Variants in NCOR2 observed in about 807,000 individuals in gnomAD.
NCOR2 encodes the protein nuclear receptor corepressor 2.
Under a neutral mutation model 262.9 loss-of-function variants are expected in NCOR2, and 81 were observed. That is an observed-to-expected ratio of 0.31 (90% CI 0.26 to 0.37). The LOEUF is 0.37. Ranked by LOEUF, NCOR2 falls within the 10% of genes least tolerant of loss-of-function variation. The pLI, the probability that NCOR2 is intolerant of heterozygous loss-of-function variation, is 1.00. For missense variants in NCOR2, 3,385 were observed against 3,621.4 expected, an observed-to-expected ratio of 0.93 and a Z score of 1.68; for synonymous variants, 1,659 against 1,559.3, an observed-to-expected ratio of 1.06 and a Z score of -1.51.
chr12:124,355,375 C>A (rs1337838895), intron 24 of NCOR2, 57 bp downstream of exon 26: 2 of 1,584,992 alleles, frequency 1.3e-6, no homozygotes, highest in African/African-American at 1.3e-5. Flanking sequence ...GGTCCCATTG[C>A]CCCCACTTTA....
At chr12:124,501,062 G>GCGCGCA (rs1555232719) in intron 1 of NCOR2, among the ~76,000 whole-genome samples, 4 of 147,920 alleles carry the variant, frequency 2.7e-5, no homozygotes, top group East Asian at 2.1e-4. Context: ...GCGCACGCGC[G>GCGCGCA]CACACACACA....
intron 13 of NCOR2, among the ~76,000 whole-genome samples, chr12:124,414,791 G>C (rs1170988548): frequency 2.6e-5 from 4 of 152,204 alleles, no homozygotes; most frequent in African/African-American, 9.6e-5. Context: ...GTGGTGCCTG[G>C]GGAGGGGGCC....
rs957369227 is a variant in NCOR2 at position 124,481,494 on chromosome 12, G to T, written c.411+2102C>A. 2.0e-5 allele frequency among the ~76,000 whole-genome samples: 3 copies of T among 152,208 alleles called. No homozygotes were observed. Among genetic ancestry groups the T allele is most frequent in the African/African-American group, 7.2e-5 (3 of 41,466 alleles). ...GGTCTCCCCTGCCATGCAGGCCCTG[G>T]AGGGCAGCCAGGGCTGGAAGGAGCG... On this transcript the variant is annotated intron_variant, in intron 3 of 46. Coordinates refer to ENST00000405201, the Ensembl canonical transcript of NCOR2. The surrounding 1 kb of genome is among the most constrained non-coding windows in gnomAD (Gnocchi z 4.6).
intron 1 of NCOR2, among the ~76,000 whole-genome samples, chr12:124,562,706 G>A (rs2137298967): frequency 6.6e-6 from 1 of 152,316 alleles, no homozygotes; most frequent in Non-Finnish European, 1.5e-5. Context: ...GTCTCCAAAG[G>A]GCAACAAGCC....
At chr12:124,455,200 C>A (rs143190248) in intron 6 of NCOR2, among the ~76,000 whole-genome samples, 1 of 152,238 alleles carries the variant, frequency 6.6e-6, no homozygotes, top group Admixed American at 6.5e-5. Context: ...CTAAAACCCA[C>A]TGAACTGGAC....
intron 38 of NCOR2, chr12:124,335,939 G>A (rs2035844437): frequency 1.0e-5 from 4 of 390,344 alleles, no homozygotes; most frequent in South Asian, 4.7e-5. Flanking sequence ...CGAGGCCAGC[G>A]TGAGATGGGG....
At chr12:124,393,261 C>T (rs1023920212) in intron 16 of NCOR2, among the ~76,000 whole-genome samples, 6 of 152,168 alleles carry the variant, frequency 3.9e-5, no homozygotes, top group African/African-American at 1.4e-4. Flanking sequence ...GCGCTGGGCC[C>T]GAGGGCAGGC....
rs1352668954 is a variant in NCOR2 at position 124,483,882 on chromosome 12, T to C, written c.234-109A>G. On this transcript the variant is annotated intron_variant, in intron 2 of 46. Coordinates refer to ENST00000405201, the Ensembl canonical transcript of NCOR2. The surrounding 1 kb of genome is among the most constrained non-coding windows in gnomAD (Gnocchi z 6.3). ...CATCTACTGCGCGCCGTGCTCTGTA[T>C]GATCCTGCCAGGAAGGTGCTCACAG... The C allele has an allele frequency of 2.3e-6, 3 of 1,297,908 alleles. No individual in the cohort carries two copies. The highest frequency in any genetic ancestry group is 2.0e-6 in the Non-Finnish European group (2 of 986,126). 80.4% of individuals were successfully genotyped at this position (1,297,908 alleles called of 1,614,324 possible). A position where few individuals can be genotyped will look rare whatever the true frequency, so the allele number is the denominator to read the frequency against.
At chr12:124,325,392 C>CCCCCCACAAAT in exon 47 of NCOR2, 1 of 1,152,270 alleles carries the variant, frequency 8.7e-7, no homozygotes. Context: ...CCCCCCCGCC[C>CCCCCCACAAAT]TGTTCTGAGT....
chr12:124,523,049 A>G lies in NCOR2; in HGVS notation c.-118+12516T>C, dbSNP rs2050272627. On this transcript the variant is annotated intron_variant, in intron 1 of 46. Coordinates refer to the NCOR2 transcript ENST00000404621. The surrounding 1 kb of genome is among the most constrained non-coding windows in gnomAD (Gnocchi z 4.0). ...AAATAAAGACACTCCCCAGACCAAA[A>G]TGCATCCTATTTCCCCATCCAGGCC... Among the ~76,000 whole-genome samples the G allele has an allele frequency of 6.6e-6, 1 of 152,234 alleles. No individual in the cohort carries two copies. The highest frequency in any genetic ancestry group is 1.5e-5 in the Non-Finnish European group (1 of 68,010).
chr12:124,336,928 G>GT lies in NCOR2; in HGVS notation c.5939_5940insA (p.Leu1981ProfsTer46). 1 of 1,577,348 alleles carries GT rather than the reference G, an allele frequency of 6.3e-7. No individual in the cohort carries two copies. The highest frequency in any genetic ancestry group is 8.6e-7 in the Non-Finnish European group (1 of 1,161,744). On this transcript the variant is annotated frameshift_variant, in exon 38 of 47. Transcript: ENST00000405201. LOFTEE classifies it high-confidence loss of function. ...CGTGGCCAGAGACAGGAGGCACTAG[G>GT]GGCCGGGGCTCCGAGCCCTTGCTGG...
chr12:124,425,270 A>T (rs936456050), intron 11 of NCOR2, among the ~76,000 whole-genome samples: 3 of 152,138 alleles, frequency 2.0e-5, no homozygotes, highest in African/African-American at 7.2e-5. Context: ...GCTACTCGGG[A>T]GGCTGAGGCA....
intron 5 of NCOR2, among the ~76,000 whole-genome samples, chr12:124,462,729 TGAG>T (rs1453209134): frequency 6.6e-6 from 1 of 152,188 alleles, no homozygotes; most frequent in Non-Finnish European, 1.5e-5. Flanking sequence ...CAAACAAGCA[TGAG>T]GAGTGCCAAA....
chr12:124,426,512 T>C lies in NCOR2; in HGVS notation c.1328+110A>G, dbSNP rs75158921. On this transcript the variant is annotated intron_variant, in intron 11 of 46. Coordinates refer to ENST00000405201, the Ensembl canonical transcript of NCOR2. Reference sequence around the variant, plus strand: ...CAGGAGAGAGTAAATCCCTGCGGTTTTAAGCACCCCCCGGCATGCTCATTT... The same window carrying C: ...CAGGAGAGAGTAAATCCCTGCGGTTCTAAGCACCCCCCGGCATGCTCATTT... 5,595 of 1,117,988 alleles carry C rather than the reference T, an allele frequency of 5.0e-3. 227 individuals are homozygous for C. The East Asian group carries it at 0.098, about 20-fold the overall frequency. The allele number at this position is 1,117,988 out of a possible 1,614,324, so 69.3% of individuals were successfully genotyped here. A position where few individuals can be genotyped will look rare whatever the true frequency, so the allele number is the denominator to read the frequency against.
chr12:124,390,344 T>C (rs944796203), intron 16 of NCOR2, among the ~76,000 whole-genome samples: 3 of 152,228 alleles, frequency 2.0e-5, no homozygotes, highest in Non-Finnish European at 4.4e-5. Flanking sequence ...CACTCGTGTG[T>C]GCCCCAGGGC....
chr12:124,490,408 A>AGATGGATGGATGGATGGATGGATGGATG (rs750414709), intron 1 of NCOR2, among the ~76,000 whole-genome samples: 1 of 126,258 alleles, frequency 7.9e-6, no homozygotes, highest in Admixed American at 7.9e-5. Flanking sequence ...AGTATTTGCC[A>AGATGGATGGATGGATGGATGGATGGATG]GATGGATGGA....
intron 10 of NCOR2, chr12:124,429,329 C>T (rs941643761): frequency 1.1e-5 from 5 of 471,624 alleles, no homozygotes; most frequent in African/African-American, 9.9e-5. Flanking sequence ...GTCCTCGTCC[C>T]CCAACCCCCT....
chr12:124,397,343 C>T (rs1216039257), intron 16 of NCOR2, among the ~76,000 whole-genome samples: 1 of 152,262 alleles, frequency 6.6e-6, no homozygotes, highest in Non-Finnish European at 1.5e-5. Flanking sequence ...TCCCACTCAA[C>T]AGACGGGCAA....
At chr12:124,525,636 C>A (rs1425253453) in intron 1 of NCOR2, among the ~76,000 whole-genome samples, 1 of 152,254 alleles carries the variant, frequency 6.6e-6, no homozygotes, top group Non-Finnish European at 1.5e-5. Context: ...CCCTACGTGG[C>A]ACATGGAGGC....
Sources: gnomAD v4.1 joint callset for allele counts (sites outside exome capture counted in the v4.1 genomes callset) on GRCh38, gnomAD v4.1.1 for gene constraint, Gnocchi (gnomAD v3.1) non-coding constraint, MANE v1.5 for transcripts, NCBI Gene and HGNC (gene_info 2026-07-23, HGNC 2026-07-21) for gene names.